The following GALNT17 variants were observed in gnomAD, a reference collection of about 807,000 sequenced individuals.
GALNT17 encodes the protein polypeptide N-acetylgalactosaminyltransferase 17.
In GALNT17, 29 loss-of-function variants were observed where a neutral mutation model predicts 63.7. That is an observed-to-expected ratio of 0.46 (90% confidence interval 0.34 to 0.62). The LOEUF (loss-of-function observed/expected upper bound fraction) is 0.62. GALNT17 is among the 20% of genes least tolerant of loss of function. GALNT17 has a pLI of 0.01. For synonymous variants in GALNT17, 305 were observed against 318.3 expected, an observed-to-expected ratio of 0.96 and a Z score of 0.45; for missense variants, 603 against 799.6, an observed-to-expected ratio of 0.75 and a Z score of 2.97.
chr7:71,182,105 G>A (rs1362151421), intron 1 of GALNT17, among the ~76,000 whole-genome samples: 1 of 152,004 alleles, frequency 6.6e-6, no homozygotes, highest in Non-Finnish European at 1.5e-5. Flanking sequence ...AACCCCAGAG[G>A]AGGAGGTTGC....
intron 6 of GALNT17, among the ~76,000 whole-genome samples, chr7:71,614,811 GAGAA>G (rs373570800): frequency 0.027 from 3,618 of 133,522 alleles, 158 homozygotes; most frequent in African/African-American, 0.11. Context: ...AAAAGTAATA[GAGAA>G]AGAGAGAGAA....
chr7:71,276,787 C>T (rs1416326132), intron 1 of GALNT17, among the ~76,000 whole-genome samples: 1 of 152,024 alleles, frequency 6.6e-6, no homozygotes, highest in African/African-American at 2.4e-5. Flanking sequence ...CATTTGAGGT[C>T]AGGAGTTTGA....
intron 6 of GALNT17, among the ~76,000 whole-genome samples, chr7:71,603,175 G>A (rs1386684794): frequency 6.6e-6 from 1 of 151,762 alleles, no homozygotes; most frequent in African/African-American, 2.4e-5. Context: ...TATGTTAAGT[G>A]TATACACTGG....
At chr7:71,515,869 GGGAAAGAGCGGCAGGGTGGGAAGGA>G (rs1179205856) in intron 5 of GALNT17, among the ~76,000 whole-genome samples, 1 of 152,128 alleles carries the variant, frequency 6.6e-6, no homozygotes, top group Non-Finnish European at 1.5e-5. Context: ...ATATTTGAAG[GGGAAAGAGCGGCAGGGTGGGAAGGA>G]GGAAAGAGAA....
At chr7:71,287,881 A>G (rs113783934) in intron 1 of GALNT17, among the ~76,000 whole-genome samples, 4,310 of 151,648 alleles carry the variant, frequency 0.028, 191 homozygotes, top group African/African-American at 0.097. Flanking sequence ...GTGAAACCCC[A>G]TCTCCACTAA....
intron 1 of GALNT17, among the ~76,000 whole-genome samples, chr7:71,170,227 C>T (rs915407479): frequency 2.0e-5 from 3 of 152,196 alleles, no homozygotes; most frequent in Non-Finnish European, 4.4e-5. Flanking sequence ...AATATTTTCA[C>T]TTCCATAAGA....
At chr7:71,654,096 G>A (rs1790792521) in intron 6 of GALNT17, among the ~76,000 whole-genome samples, 1 of 152,068 alleles carries the variant, frequency 6.6e-6, no homozygotes, top group Non-Finnish European at 1.5e-5. Flanking sequence ...GCTCATTGCA[G>A]CCTCCACCTC....
chr7:71,358,691 C>T (rs977013703), intron 2 of GALNT17, among the ~76,000 whole-genome samples: 6 of 152,158 alleles, frequency 3.9e-5, no homozygotes, highest in African/African-American at 1.2e-4. Flanking sequence ...TGTTGTAAAA[C>T]GTGTTCAGAG....
intron 5 of GALNT17, among the ~76,000 whole-genome samples, chr7:71,485,574 CA>C (rs1025420611): frequency 2.0e-5 from 3 of 152,172 alleles, no homozygotes; most frequent in Non-Finnish European, 2.9e-5. Context: ...ATCACCTGGC[CA>C]CCTTTCACCC....
At position 71,220,594 on chromosome 7, in the gene GALNT17, C is replaced by T. The variant is rs79728096; in HGVS notation, c.238+87554C>T. ...CAGAGGCATACTTTTATGGTCCTAA[C>T]CTCAAGTATCTCGGAATGTGTCTGT... On this transcript the variant is annotated intron_variant, in intron 1 of 10. Coordinates refer to ENST00000333538, the MANE Select transcript of GALNT17 (RefSeq NM_022479.3). 3.8e-3 allele frequency among the ~76,000 whole-genome samples: 581 copies of T among 152,198 alleles called. 7 individuals are homozygous for T. Among genetic ancestry groups the T allele is most frequent in the East Asian group, 0.034 (175 of 5,144 alleles).
chr7:71,672,442 A>T (rs584238), intron 8 of GALNT17, among the ~76,000 whole-genome samples: 110,971 of 152,210 alleles, frequency 0.73, 43,671 homozygotes, highest in Non-Finnish European at 0.89. Flanking sequence ...GCTCATAAAT[A>T]TTAAAATAAT....
chr7:71,235,950 C>T (rs1213573987), intron 1 of GALNT17, among the ~76,000 whole-genome samples: 3 of 152,156 alleles, frequency 2.0e-5, no homozygotes, highest in East Asian at 1.9e-4. Context: ...CATGCTGAGG[C>T]GGGTGGATCA....
chr7:71,373,524 C>G (rs548132007), intron 2 of GALNT17, among the ~76,000 whole-genome samples: 6 of 152,042 alleles, frequency 3.9e-5, no homozygotes, highest in Non-Finnish European at 8.8e-5. Flanking sequence ...GGAACTGGGC[C>G]GAACAGCAGG....
At chr7:71,503,211 T>C (rs905233320) in intron 5 of GALNT17, among the ~76,000 whole-genome samples, 2 of 152,190 alleles carry the variant, frequency 1.3e-5, no homozygotes, top group Non-Finnish European at 2.9e-5. Flanking sequence ...CACGATCACA[T>C]GTCAATGATC....
At chr7:71,135,796 T>C (rs1787774093) in intron 1 of GALNT17, among the ~76,000 whole-genome samples, 1 of 152,168 alleles carries the variant, frequency 6.6e-6, no homozygotes, top group South Asian at 2.1e-4. Flanking sequence ...GCTGAGAGCT[T>C]GCTTCAGATC....
At chr7:71,294,561 T>C (rs1791043726) in intron 1 of GALNT17, among the ~76,000 whole-genome samples, 1 of 151,820 alleles carries the variant, frequency 6.6e-6, no homozygotes, top group Non-Finnish European at 1.5e-5. Flanking sequence ...ACTACAGGTG[T>C]GCACCACCAT....
At chr7:71,334,908 G>T (rs1791870932) in intron 1 of GALNT17, among the ~76,000 whole-genome samples, 1 of 152,222 alleles carries the variant, frequency 6.6e-6, no homozygotes, top group African/African-American at 2.4e-5. Flanking sequence ...AAAAGCATCT[G>T]CAGTTTGGCA....
rs188619264 is a variant in GALNT17, at chr7:71,500,806, G to A, written c.963-70479G>A. Reference sequence around the variant, plus strand: ...AGTGGCCGTTCACCATGTGGCCATGGTTAAGACAATTCCTACCACCATAGT... The same window carrying A: ...AGTGGCCGTTCACCATGTGGCCATGATTAAGACAATTCCTACCACCATAGT... On this transcript the variant is annotated intron_variant, in intron 5 of 10. Coordinates refer to ENST00000333538, the MANE Select transcript of GALNT17 (RefSeq NM_022479.3). 3.5e-4 allele frequency among the ~76,000 whole-genome samples: 53 copies of A among 152,154 alleles called. No individual in the cohort carries two copies. The East Asian group carries it at 9.5e-3, about 27-fold the overall frequency.
At chr7:71,305,654 A>G (rs770089184) in intron 1 of GALNT17, among the ~76,000 whole-genome samples, 1 of 152,120 alleles carries the variant, frequency 6.6e-6, no homozygotes, top group East Asian at 1.9e-4. Context: ...CCCTCCAGGA[A>G]GTTGTCATCT....
Sources: gnomAD v4.1 joint callset for allele counts (sites outside exome capture counted in the v4.1 genomes callset) on GRCh38, gnomAD v4.1.1 for gene constraint, MANE v1.5 for transcripts, NCBI Gene and HGNC (gene_info 2026-07-23, HGNC 2026-07-21) for gene names.